The following C2orf15 variants were observed in gnomAD, a reference collection of about 807,000 sequenced individuals.
The protein encoded by C2orf15 is uncharacterized protein C2orf15.
In C2orf15, 3 loss-of-function variants were observed where a neutral mutation model predicts 4.4. The observed-to-expected ratio is 0.67, with a 90% CI of 0.31 to 1.74. C2orf15 has a LOEUF of 1.74. Ranked by LOEUF, C2orf15 falls within the 40% of genes most tolerant of loss-of-function variation. The pLI, the probability that C2orf15 is intolerant of heterozygous loss-of-function variation, is 0.09. For missense variants in C2orf15, 90 were observed against 103.3 expected (o/e 0.87, Z 0.56); for synonymous variants, 37 against 36.8 (o/e 1.00, Z -0.02).
At chr2:99,148,988 AAAAT>A (rs869164785) in intron 3 of C2orf15, among the ~76,000 whole-genome samples, 26 of 152,100 alleles carry the variant, frequency 1.7e-4, no homozygotes, top group African/African-American at 5.5e-4. Flanking sequence ...GACTGGAAAA[AAAAT>A]AAATAAAAAT....
chr2:99,148,440 A>G (rs150380440), intron 3 of C2orf15: 1 of 152,334 alleles, frequency 6.6e-6, no homozygotes, highest in African/African-American at 2.4e-5. Context: ...AGCCAAATAT[A>G]TACTATTTAC....
At chr2:99,144,950 T>C (rs1402018894) in intron 2 of C2orf15, among the ~76,000 whole-genome samples, 1 of 151,864 alleles carries the variant, frequency 6.6e-6, no homozygotes, top group Non-Finnish European at 1.5e-5. Flanking sequence ...GCTAGTAGAG[T>C]TGTTTGCTAC....
At chr2:99,143,195 G>A (rs191480064) in intron 2 of C2orf15, among the ~76,000 whole-genome samples, 3,499 of 140,654 alleles carry the variant, frequency 0.025, 98 homozygotes, top group East Asian at 0.15. Context: ...AGGCTGGAGT[G>A]CAGTGGCACG....
chr2:99,146,109 A>C (rs536669830), intron 2 of C2orf15, among the ~76,000 whole-genome samples: 9 of 152,088 alleles, frequency 5.9e-5, no homozygotes, highest in African/African-American at 2.2e-4. Context: ...ATGGCGAAAC[A>C]TCGTCTCTAC....
intron 2 of C2orf15, among the ~76,000 whole-genome samples, chr2:99,144,830 G>T (rs1039385564): frequency 2.6e-5 from 4 of 152,110 alleles, no homozygotes; most frequent in Non-Finnish European, 5.9e-5. Context: ...GGAACTGTAA[G>T]TGCAAAGGTC....
At chr2:99,144,925 C>CA (rs2093617207) in intron 2 of C2orf15, among the ~76,000 whole-genome samples, 1 of 152,140 alleles carries the variant, frequency 6.6e-6, no homozygotes, top group Non-Finnish European at 1.5e-5. Flanking sequence ...GGCAAAGAGA[C>CA]AGGAGAGAGT....
In C2orf15 at chr2:99,150,698, T is replaced by C. The variant is rs1426405842; in HGVS notation, c.140T>C (p.Ile47Thr). The change falls in exon 4 of 4, where the codon ATA (isoleucine) becomes ACA (threonine). Residue 47 changes from isoleucine to threonine, a missense_variant. Physicochemically the swap from Ile to Thr is moderately conservative, Grantham distance 89. Coordinates refer to ENST00000650052, the MANE Select transcript of C2orf15 (RefSeq NM_144706.4). ...ATQLFQNTKK[I>T]RLEDTNQENF... ...CAGTTATTTCAAAACACCAAGAAAA[T>C]AAGATTAGAAGACACAAATCAAGAA... The C allele has an allele frequency of 1.9e-6, 3 of 1,613,768 alleles. No individual in the cohort carries two copies. The highest frequency in any genetic ancestry group is 1.7e-6 in the Non-Finnish European group (2 of 1,179,916).
chr2:99,146,869 C>T (rs976011233), intron 2 of C2orf15, among the ~76,000 whole-genome samples: 11 of 152,122 alleles, frequency 7.2e-5, no homozygotes, highest in African/African-American at 2.4e-4. Flanking sequence ...CCTCGTGATC[C>T]GCCCACCTCA....
chr2:99,143,290 C>A (rs1303391957), intron 2 of C2orf15, among the ~76,000 whole-genome samples: 1 of 150,870 alleles, frequency 6.6e-6, no homozygotes, highest in African/African-American at 2.4e-5. Context: ...TACAGGCGCC[C>A]ACTACTACGC....
rs2093563411 is a variant in C2orf15 at position 99,141,714 on chromosome 2, AG to A, written c.-508del. The A allele has an allele frequency of 1.3e-5, 2 of 152,858 alleles. No individual in the cohort carries two copies. The highest frequency in any genetic ancestry group is 6.5e-5 in the Admixed American group (1 of 15,292). 9.5% of individuals were successfully genotyped at this position (152,858 alleles called of 1,614,324 possible). ...GCGCATGCGCAAGGCTGTCTCTCGC[AG>A]CCCCGCCTTCCCTCAGCTTGAAACA... On this transcript the variant is annotated 5_prime_UTR_variant, in exon 1 of 4. Coordinates refer to ENST00000650052, the MANE Select transcript of C2orf15 (RefSeq NM_144706.4).
At chr2:99,146,313 G>C (rs1441100632) in intron 2 of C2orf15, among the ~76,000 whole-genome samples, 1 of 152,042 alleles carries the variant, frequency 6.6e-6, no homozygotes, top group African/African-American at 2.4e-5. Flanking sequence ...TATATCCTTT[G>C]CCCATTTTTC....
At position 99,147,510 on chromosome 2, in the gene C2orf15, C is replaced by A; in HGVS notation, c.-77+17C>A. On this transcript the variant is annotated intron_variant, in intron 3 of 3. Coordinates refer to ENST00000650052, the MANE Select transcript of C2orf15 (RefSeq NM_144706.4). The stretch of plus-strand genomic sequence containing the variant: ...GAAGTTAAGGTAAGACTCACAGGGC[C>A]AAGTCTACCCTATTATACTTGGTTC... The A allele has an allele frequency of 6.2e-7, 1 of 1,611,982 alleles. No individual in the cohort carries two copies. Among genetic ancestry groups the A allele is most frequent in the Middle Eastern group, 1.7e-4 (1 of 6,056 alleles).
At chr2:99,146,430 T>C (rs1379224283) in intron 2 of C2orf15, among the ~76,000 whole-genome samples, 1 of 152,170 alleles carries the variant, frequency 6.6e-6, no homozygotes, top group African/African-American at 2.4e-5. Flanking sequence ...CAGTCTCTTA[T>C]CTATCTTTTT....
Position 99,151,179 on chromosome 2 carries a change from C to G in C2orf15, c.*345C>G. On this transcript the variant is annotated 3_prime_UTR_variant, in exon 4 of 4. Transcript: ENST00000650052. ...CAAGTGGTTAAAAAAAGTGTCCAAGCAGCCGGGCGCAGTGGCTCACACCTG... is the reference window on the plus strand; with the variant it reads ...CAAGTGGTTAAAAAAAGTGTCCAAGGAGCCGGGCGCAGTGGCTCACACCTG... The G allele has an allele frequency of 5.9e-6, 1 of 169,608 alleles. No individual in the cohort carries two copies. The highest frequency in any genetic ancestry group is 1.3e-5 in the Non-Finnish European group (1 of 79,552). 10.5% of individuals were successfully genotyped at this position (169,608 alleles called of 1,614,324 possible).
intron 3 of C2orf15, 115 bp downstream of exon 3, chr2:99,147,608 T>C: frequency 1.1e-6 from 1 of 907,796 alleles, no homozygotes. Context: ...CTTTTACGTT[T>C]GTTGATTTCA....
chr2:99,150,875 T>C lies in C2orf15; in HGVS notation c.*41T>C, dbSNP rs368152150. ...TTACCAAAGAAACCAAAAACTGCCT[T>C]TGACTAAGGGGGGTGTTGAAAGAGA... On this transcript the variant is annotated 3_prime_UTR_variant, in exon 4 of 4. Coordinates refer to ENST00000650052, the MANE Select transcript of C2orf15 (RefSeq NM_144706.4). The C allele has an allele frequency of 2.4e-5, 32 of 1,343,206 alleles. No individual in the cohort carries two copies. The South Asian group carries it at 4.4e-4, about 18-fold the overall frequency. The allele number at this position is 1,343,206 out of a possible 1,614,324, so 83.2% of individuals were successfully genotyped here.
At chr2:99,143,300 C>T (rs1175364752) in intron 2 of C2orf15, among the ~76,000 whole-genome samples, 2 of 146,726 alleles carry the variant, frequency 1.4e-5, no homozygotes, top group South Asian at 4.5e-4. Context: ...CACTACTACG[C>T]CCAGCTTTTT....
chr2:99,143,314 T>C (rs950363778), intron 2 of C2orf15, among the ~76,000 whole-genome samples: 4 of 150,864 alleles, frequency 2.7e-5, no homozygotes, highest in Non-Finnish European at 5.9e-5. Context: ...GCTTTTTTTT[T>C]GTTTGTTTTT....
At chr2:99,143,132 C>A (rs1034065133) in intron 2 of C2orf15, among the ~76,000 whole-genome samples, 9 of 133,352 alleles carry the variant, frequency 6.7e-5, no homozygotes, top group Non-Finnish European at 1.3e-4. Flanking sequence ...CCCAACTAAA[C>A]CTTTTTTTTT....
Sources: allele counts gnomAD v4.1 joint callset (sites outside exome capture counted in the v4.1 genomes callset), GRCh38; gene constraint gnomAD v4.1.1; transcripts MANE v1.5; gene names NCBI Gene and HGNC (gene_info 2026-07-23, HGNC 2026-07-21).